Variants in ATAD5 observed in about 807,000 individuals in gnomAD.
The protein encoded by ATAD5 is ATPase family AAA domain-containing protein 5.
In ATAD5, 58 loss-of-function variants were observed where a neutral mutation model predicts 176.9. That is an observed-to-expected ratio of 0.33 (90% CI 0.27 to 0.41). The LOEUF (loss-of-function observed/expected upper bound fraction) is 0.41, where lower values mean the gene tolerates loss of function less well. ATAD5 is among the 10% of genes least tolerant of loss of function. The probability of loss-of-function intolerance (pLI) is 1.00; values close to 1 mark genes in which losing one functional copy is unlikely to be tolerated. For missense variants in ATAD5, 1,789 were observed against 2,094.1 expected (o/e 0.85, Z 2.84); for synonymous variants, 640 against 712.6 (o/e 0.90, Z 1.62).
At position 30,855,108 on chromosome 17, in the gene ATAD5, C is replaced by T. The variant is rs557006602; in HGVS notation, c.2451-35C>T. Reference sequence around the variant, plus strand: ...GTTTATTCCTTTAAATGTTTATAACCTTAGCTTTTCTTTTTCAAATCATTT... The same window carrying T: ...GTTTATTCCTTTAAATGTTTATAACTTTAGCTTTTCTTTTTCAAATCATTT... On this transcript the variant is annotated intron_variant, in intron 6 of 22. Transcript: ENST00000321990. 235 of 1,522,856 alleles carry T rather than the reference C, an allele frequency of 1.5e-4. 1 individual carries two copies. In the South Asian group the frequency reaches 2.7e-3, roughly 18 times the overall value. 94.3% of individuals were successfully genotyped at this position (1,522,856 alleles called of 1,614,324 possible).
At chr17:30,844,700 A>G (rs1906367661) in intron 5 of ATAD5, 135 bp from the exon 6 acceptor site, 2 of 659,652 alleles carry the variant, frequency 3.0e-6, no homozygotes, top group Admixed American at 3.6e-5. Flanking sequence ...GTGAGCCAAG[A>G]TCGTGGCACT....
intron 14 of ATAD5, among the ~76,000 whole-genome samples, chr17:30,875,024 T>C (rs539786631): frequency 1.2e-4 from 19 of 152,118 alleles, no homozygotes; most frequent in African/African-American, 4.6e-4. Context: ...ACAGCTTTTT[T>C]AACCTCGAGA....
At chr17:30,876,642 A>G in intron 15 of ATAD5, 92 bp downstream of exon 15, 2 of 623,576 alleles carry the variant, frequency 3.2e-6, no homozygotes, top group South Asian at 3.1e-5. Context: ...TCCTGTTGCT[A>G]TTTATTAAAT....
chr17:30,837,146 G>T, intron 2 of ATAD5, 60 bp from the exon 3 acceptor site: 1 of 947,862 alleles, frequency 1.1e-6, no homozygotes, highest in East Asian at 3.0e-5. Context: ...ATATTTAATT[G>T]AGATTCTTGT....
intron 4 of ATAD5, among the ~76,000 whole-genome samples, chr17:30,842,419 A>G: frequency 6.6e-6 from 1 of 152,278 alleles, no homozygotes; most frequent in South Asian, 2.1e-4. Flanking sequence ...TGCACTCACC[A>G]TGCTGTATTA....
In ATAD5 at chr17:30,879,712, G is replaced by A. The variant is rs529772292; in HGVS notation, c.4077+225G>A. 4.6e-5 allele frequency among the ~76,000 whole-genome samples: 7 copies of A among 151,974 alleles called. No homozygotes were observed. The East Asian group carries it at 5.8e-4, about 13-fold the overall frequency. ...GAAGTAGCTGGGACTACAGGCGCCTGCCACCACGCCCGGCTAATTTTTTGT... is the reference window on the plus strand; with the variant it reads ...GAAGTAGCTGGGACTACAGGCGCCTACCACCACGCCCGGCTAATTTTTTGT... On this transcript the variant is annotated intron_variant, in intron 18 of 22. Transcript: ENST00000321990.
chr17:30,880,761 TCAATG>T (rs1908966902), intron 18 of ATAD5, among the ~76,000 whole-genome samples: 1 of 152,176 alleles, frequency 6.6e-6, no homozygotes. Flanking sequence ...TTACTAGGCT[TCAATG>T]TTCACTAGGT....
At chr17:30,867,892 A>G (rs942332154) in intron 11 of ATAD5, among the ~76,000 whole-genome samples, 11 of 152,244 alleles carry the variant, frequency 7.2e-5, no homozygotes, top group African/African-American at 2.4e-4. Flanking sequence ...GGCCTGAGCC[A>G]CTGTGCCTGC....
At chr17:30,881,995 C>G (rs1476393546) in intron 18 of ATAD5, among the ~76,000 whole-genome samples, 2 of 152,062 alleles carry the variant, frequency 1.3e-5, no homozygotes, top group Admixed American at 6.6e-5. Context: ...CGCAGTGGCT[C>G]ACGCCTGTAA....
At chr17:30,885,843 C>CA (rs1326839132) in intron 18 of ATAD5, among the ~76,000 whole-genome samples, 1 of 151,760 alleles carries the variant, frequency 6.6e-6, no homozygotes, top group Non-Finnish European at 1.5e-5. Flanking sequence ...CCATGTTGGT[C>CA]AGGCTGGTCT....
At chr17:30,885,747 T>C (rs1395370842) in intron 18 of ATAD5, among the ~76,000 whole-genome samples, 1 of 150,958 alleles carries the variant, frequency 6.6e-6, no homozygotes, top group Admixed American at 6.7e-5. Context: ...GATTCTCCTG[T>C]CTCAGCCTCC....
intron 15 of ATAD5, 37 bp downstream of exon 15, chr17:30,876,587 T>C (rs1384079560): frequency 1.5e-6 from 2 of 1,358,092 alleles, no homozygotes; most frequent in Non-Finnish European, 2.0e-6. Flanking sequence ...TATTTTTTAA[T>C]AATAATGACC....
At chr17:30,842,466 C>T (rs1162953742) in intron 4 of ATAD5, among the ~76,000 whole-genome samples, 1 of 151,998 alleles carries the variant, frequency 6.6e-6, no homozygotes, top group East Asian at 1.9e-4. Context: ...GCTAGCTCTC[C>T]CTCTCTCCCC....
chr17:30,853,664 C>A (rs941405270), intron 6 of ATAD5, among the ~76,000 whole-genome samples: 1 of 152,126 alleles, frequency 6.6e-6, no homozygotes, highest in Non-Finnish European at 1.5e-5. Flanking sequence ...CTTGTTCTTT[C>A]TACAGGCAGG....
At chr17:30,869,411 G>C in intron 13 of ATAD5, 21 bp downstream of exon 13, 2 of 1,610,078 alleles carry the variant, frequency 1.2e-6, no homozygotes, top group Non-Finnish European at 1.7e-6. Flanking sequence ...GCTATGATGA[G>C]AGAATGTTAA....
At chr17:30,880,023 C>A (rs1281256478) in intron 18 of ATAD5, among the ~76,000 whole-genome samples, 2 of 151,518 alleles carry the variant, frequency 1.3e-5, no homozygotes, top group African/African-American at 4.9e-5. Flanking sequence ...TCAATAAGGC[C>A]AGGCACAGTT....
chr17:30,892,868 CTTAAGT>C (rs1909712727), intron 20 of ATAD5, 80 bp downstream of exon 20: 3 of 1,238,342 alleles, frequency 2.4e-6, no homozygotes, highest in South Asian at 3.3e-5. Flanking sequence ...TCTTTTGAAT[CTTAAGT>C]TTAACTTAAA....
chr17:30,881,926 T>A (rs964691028), intron 18 of ATAD5, among the ~76,000 whole-genome samples: 11 of 148,542 alleles, frequency 7.4e-5, no homozygotes, highest in African/African-American at 1.8e-4. Flanking sequence ...CCCAAAAAAA[T>A]AATTGTTTCT....
rs61664127 is a variant in ATAD5 at position 30,884,424 on chromosome 17, C to CTTTT, written c.4078-2749_4078-2746dup. Among the ~76,000 whole-genome samples the CTTTT allele has an allele frequency of 1.5e-3, 123 of 80,918 alleles. 1 individual carries two copies. The highest frequency in any genetic ancestry group is 5.3e-3 in the African/African-American group (88 of 16,470). 53.1% of individuals were successfully genotyped at this position (80,918 alleles called of 152,430 possible). A position where few individuals can be genotyped will look rare whatever the true frequency, so the allele number is the denominator to read the frequency against. On this transcript the variant is annotated intron_variant, in intron 18 of 22. Transcript: ENST00000321990. ...ACTTGCATTATATTTCTTTTCTTTT[C>CTTTT]TTTTTTTTTTTTTTTTTTTTTTGAG...
Sources: gnomAD v4.1 joint callset for allele counts (sites outside exome capture counted in the v4.1 genomes callset) on GRCh38, gnomAD v4.1.1 for gene constraint, MANE v1.5 for transcripts, NCBI Gene and HGNC (gene_info 2026-07-23, HGNC 2026-07-21) for gene names.